The following ZNF787 variants were observed in gnomAD, a reference collection of about 807,000 sequenced individuals.
ZNF787 encodes the protein zinc finger protein 787.
A neutral mutation model predicts 16.9 loss-of-function variants in ZNF787; 7 were observed. The ratio of observed to expected loss-of-function variants is 0.42; its 90% CI spans 0.24 to 0.78. The LOEUF (loss-of-function observed/expected upper bound fraction) is 0.78, where lower values mean the gene tolerates loss of function less well. Among genes scored for constraint, ZNF787 ranks in the 30% least tolerant of loss-of-function variants. ZNF787 has a pLI of 0.30. For synonymous variants in ZNF787, 345 were observed against 270.9 expected, an observed-to-expected ratio of 1.27 and a Z score of -2.69; for missense variants, 551 against 589.3, an observed-to-expected ratio of 0.94 and a Z score of 0.67.
At chr19:56,091,796 T>C (rs924725164) in intron 2 of ZNF787, among the ~76,000 whole-genome samples, 26 of 152,200 alleles carry the variant, frequency 1.7e-4, no homozygotes, top group African/African-American at 5.8e-4. Flanking sequence ...CCGTGCTGCA[T>C]CTCAGTAAGG....
At chr19:56,110,817 C>G (rs2029958331) in intron 1 of ZNF787, among the ~76,000 whole-genome samples, 1 of 152,330 alleles carries the variant, frequency 6.6e-6, no homozygotes, top group Admixed American at 6.5e-5. Flanking sequence ...CTCCACCGCA[C>G]AGCAGCCTGC....
chr19:56,090,476 A>T (rs1985532195), intron 2 of ZNF787, among the ~76,000 whole-genome samples: 1 of 152,154 alleles, frequency 6.6e-6, no homozygotes, highest in African/African-American at 2.4e-5. Flanking sequence ...AGTGCTCCAC[A>T]AAGTGGGATC....
chr19:56,089,456 G>C (rs1985487903), intron 2 of ZNF787, among the ~76,000 whole-genome samples: 1 of 152,168 alleles, frequency 6.6e-6, no homozygotes, highest in Admixed American at 6.5e-5. Flanking sequence ...TGGACGCCGG[G>C]GGCAGAGGAT....
intron 1 of ZNF787, 70 bp from the exon 2 acceptor site, chr19:56,103,297 G>A: frequency 7.3e-7 from 1 of 1,376,330 alleles, no homozygotes; most frequent in South Asian, 1.5e-5. Context: ...GCCCTGCAGG[G>A]AGGCAGCCTG....
intron 1 of ZNF787, among the ~76,000 whole-genome samples, chr19:56,114,457 G>C (rs1162268236): frequency 2.1e-5 from 3 of 143,524 alleles, no homozygotes; most frequent in African/African-American, 8.0e-5. Flanking sequence ...TCCTCCACTT[G>C]CCCCGGCCAG....
chr19:56,103,398 C>T lies in ZNF787; in HGVS notation c.-10-171G>A, dbSNP rs970503648. ...GAGAACTGGCCTGGAGCTAGCCTGGCCGCTCCCCACTGCAGGGGCCAGCCA... is the reference window on the plus strand; with the variant it reads ...GAGAACTGGCCTGGAGCTAGCCTGGTCGCTCCCCACTGCAGGGGCCAGCCA... On this transcript the variant is annotated intron_variant, in intron 1 of 2. Coordinates refer to ENST00000610935, the MANE Select transcript of ZNF787 (RefSeq NM_001002836.4). 3 of 545,606 alleles carry T rather than the reference C, an allele frequency of 5.5e-6. No individual in the cohort carries two copies. The Admixed American group carries it at 1.1e-4, about 20-fold the overall frequency. The allele number at this position is 545,606 out of a possible 1,614,324, so 33.8% of individuals were successfully genotyped here. A position where few individuals can be genotyped will look rare whatever the true frequency, so the allele number is the denominator to read the frequency against.
Position 56,088,284 on chromosome 19 carries a change from C to G in ZNF787, c.888G>C (p.Leu296=). The G allele has an allele frequency of 7.2e-7, 1 of 1,388,498 alleles. No homozygotes were observed. The highest frequency in any genetic ancestry group is 9.3e-7 in the Non-Finnish European group (1 of 1,075,438). The allele number at this position is 1,388,498 out of a possible 1,614,324, so 86.0% of individuals were successfully genotyped here. A position where few individuals can be genotyped will look rare whatever the true frequency, so the allele number is the denominator to read the frequency against. ...GKGFGHGAGL[L]AHQRAQHGDG... is the part of the protein sequence containing the mutation. ...CCCCGTGCTGGGCCCGCTGGTGCGCCAGGAGCCCGGCCCCGTGCCCGAAGC... is the reference window on the plus strand; with the variant it reads ...CCCCGTGCTGGGCCCGCTGGTGCGCGAGGAGCCCGGCCCCGTGCCCGAAGC... Residue 296 remains leucine (L), a synonymous_variant, in exon 3 of 3, where the codon CTG becomes CTC. Transcript: ENST00000610935. The surrounding 1 kb of genome is among the most constrained non-coding windows in gnomAD (Gnocchi z 8.6).
chr19:56,110,430 G>C (rs540197185), intron 1 of ZNF787, among the ~76,000 whole-genome samples: 1 of 151,304 alleles, frequency 6.6e-6, no homozygotes, highest in African/African-American at 2.4e-5. Flanking sequence ...CTATTAGAAA[G>C]TAAACAAACT....
At chr19:56,111,675 C>T (rs1056446290) in intron 1 of ZNF787, among the ~76,000 whole-genome samples, 4 of 152,054 alleles carry the variant, frequency 2.6e-5, no homozygotes, top group African/African-American at 9.7e-5. Context: ...CCGTGGCGAC[C>T]TGGGACAGGG....
Position 56,087,999 on chromosome 19 carries a change from C to A in ZNF787, c.*24G>T. The A allele has an allele frequency of 2.3e-6, 2 of 852,876 alleles. No homozygotes were observed. The highest frequency in any genetic ancestry group is 2.9e-6 in the Non-Finnish European group (2 of 691,842). The allele number at this position is 852,876 out of a possible 1,614,324, so 52.8% of individuals were successfully genotyped here. ...CCCGCCAAGCCCGAGGGGCCCTGCC[C>A]GCCCCCCCCCCCGGGCCCCTCCCCT... On this transcript the variant is annotated 3_prime_UTR_variant, in exon 3 of 3. Coordinates refer to ENST00000610935, the MANE Select transcript of ZNF787 (RefSeq NM_001002836.4).
In ZNF787 at chr19:56,087,891, A is replaced by AGGGCGGGG; in HGVS notation, c.*124_*131dup. ...CCCACGGACGGCGCAGGGACAGAGG[A>AGGGCGGGG]GGGCGGGGAGCCGGGGATGCCGCGG... is the stretch of plus-strand genomic sequence containing the variant. On this transcript the variant is annotated 3_prime_UTR_variant, in exon 3 of 3. Coordinates refer to ENST00000610935, the MANE Select transcript of ZNF787 (RefSeq NM_001002836.4). 3 of 1,261,738 alleles carry AGGGCGGGG rather than the reference A, an allele frequency of 2.4e-6. No homozygotes were observed. The highest frequency in any genetic ancestry group is 3.6e-5 in the East Asian group (1 of 27,852). 78.2% of individuals were successfully genotyped at this position (1,261,738 alleles called of 1,614,324 possible).
chr19:56,094,207 T>TTA (rs920821247), intron 2 of ZNF787, among the ~76,000 whole-genome samples: 3 of 145,618 alleles, frequency 2.1e-5, no homozygotes, highest in Non-Finnish European at 1.5e-5. Flanking sequence ...TTTTTTTTTT[T>TTA]CATTTTCAGT....
intron 1 of ZNF787, among the ~76,000 whole-genome samples, chr19:56,118,365 A>G (rs1281331633): frequency 6.6e-6 from 1 of 152,212 alleles, no homozygotes; most frequent in Admixed American, 6.5e-5. Context: ...CTAGGCAGGG[A>G]GTCCAGCGTC....
chr19:56,113,708 G>C (rs986356447), intron 1 of ZNF787, among the ~76,000 whole-genome samples: 1 of 152,054 alleles, frequency 6.6e-6, no homozygotes, highest in African/African-American at 2.4e-5. Flanking sequence ...CAGGGAGGCA[G>C]GGAGGGAGGG....
intron 1 of ZNF787, among the ~76,000 whole-genome samples, chr19:56,114,148 G>T (rs965364390): frequency 6.6e-6 from 1 of 152,168 alleles, no homozygotes; most frequent in Non-Finnish European, 1.5e-5. Flanking sequence ...GCACCACAGG[G>T]TTCCATCTGG....
chr19:56,089,209 T>G (rs1346320788), intron 2 of ZNF787, 117 bp from the exon 3 acceptor site: 9 of 647,474 alleles, frequency 1.4e-5, no homozygotes, highest in Non-Finnish European at 2.2e-5. Context: ...CCTGCCCTGG[T>G]GTCCTCAGAG....
At chr19:56,111,278 C>T (rs1410457218) in intron 1 of ZNF787, among the ~76,000 whole-genome samples, 1 of 152,064 alleles carries the variant, frequency 6.6e-6, no homozygotes, top group Non-Finnish European at 1.5e-5. Flanking sequence ...CAGGCAGGGA[C>T]CTGGGGCAAG....
At position 56,088,122 on chromosome 19, in the gene ZNF787, G is replaced by A. The variant is rs755231198; in HGVS notation, c.1050C>T (p.Cys350=). The A allele has an allele frequency of 3.2e-6, 5 of 1,544,796 alleles. No homozygotes were observed. Among genetic ancestry groups the A allele is most frequent in the African/African-American group, 2.9e-5 (2 of 69,762 alleles). The change falls in exon 3 of 3, where the codon TGC becomes TGT. Residue 350 remains cysteine, a synonymous_variant. Coordinates refer to ENST00000610935, the MANE Select transcript of ZNF787 (RefSeq NM_001002836.4). This position sits in a 1 kb window ranked among gnomAD's most constrained non-coding sequence, Gnocchi z 8.6. ...CGCCCGCGCGGTAGTAGCTCTGTCC[G>A]CAGCTGCTGCAGACCGAGGGCGCGC... is the stretch of plus-strand genomic sequence containing the variant. The part of the protein sequence containing the change: ...AVGAPSVCSS[C]GQSYYRAGGE...
chr19:56,117,454 C>T (rs1237705364), intron 1 of ZNF787, among the ~76,000 whole-genome samples: 1 of 151,548 alleles, frequency 6.6e-6, no homozygotes, highest in East Asian at 1.9e-4. Context: ...ACAGCCACAG[C>T]GAGGCTTCCA....
Sources: allele counts gnomAD v4.1 joint callset (sites outside exome capture counted in the v4.1 genomes callset), GRCh38; gene constraint gnomAD v4.1.1; non-coding constraint Gnocchi (gnomAD v3.1); transcripts MANE v1.5; gene names NCBI Gene and HGNC (gene_info 2026-07-23, HGNC 2026-07-21).